The following ASTN2 variants were observed in gnomAD, a reference collection of about 807,000 sequenced individuals.
ASTN2 encodes the protein astrotactin 2, also known as astrotactin-2.
In ASTN2, 54 loss-of-function variants were observed where a neutral mutation model predicts 139.8. The ratio of observed to expected loss-of-function variants is 0.39; its 90% CI spans 0.31 to 0.48. ASTN2 has a LOEUF of 0.48. Among genes scored for constraint, ASTN2 ranks in the 20% least tolerant of loss-of-function variants. ASTN2 has a pLI of 0.95. For synonymous variants in ASTN2, 756 were observed against 719.5 expected (o/e 1.05, Z -0.81); for missense variants, 1,565 against 1,725.1 (o/e 0.91, Z 1.64).
intron 3 of ASTN2, among the ~76,000 whole-genome samples, chr9:117,151,860 C>T (rs535021238): frequency 2.7e-4 from 41 of 152,236 alleles, no homozygotes; most frequent in African/African-American, 9.9e-4. Context: ...TTCCAAGACC[C>T]TCATTTAAAA....
intron 2 of ASTN2, among the ~76,000 whole-genome samples, chr9:117,265,389 G>A (rs1833917797): frequency 6.6e-6 from 1 of 152,160 alleles, no homozygotes; most frequent in African/African-American, 2.4e-5. Flanking sequence ...CAGCAGTTAA[G>A]GACTGTGCTT....
At chr9:116,975,590 A>T (rs767612843) in intron 9 of ASTN2, among the ~76,000 whole-genome samples, 3 of 152,040 alleles carry the variant, frequency 2.0e-5, no homozygotes, top group Non-Finnish European at 2.9e-5. Context: ...TTACTAGTGG[A>T]CTCTGTGAGG....
At position 116,634,589 on chromosome 9, in the gene ASTN2, C is replaced by CAAAAA. The variant is rs57882262; in HGVS notation, c.3073-14151_3073-14147dup. Among the ~76,000 whole-genome samples, 14 of 104,206 alleles carry CAAAAA rather than the reference C, an allele frequency of 1.3e-4. 1 individual carries two copies. The highest frequency in any genetic ancestry group is 4.3e-4 in the African/African-American group (11 of 25,410). The allele number at this position is 104,206 out of a possible 152,430, so 68.4% of individuals were successfully genotyped here. On this transcript the variant is annotated intron_variant, in intron 17 of 22. Coordinates refer to ENST00000313400, the MANE Select transcript of ASTN2 (RefSeq NM_001365068.1). ...TGGGCGACAGAGCGAGACTCCGTCTCAAAAAAAAAAAAAAAAAAAAAAAAA... is the reference window on the plus strand; with the variant it reads ...TGGGCGACAGAGCGAGACTCCGTCTCAAAAAAAAAAAAAAAAAAAAAAAAAAAAAA...
Position 116,576,573 on chromosome 9 carries a change from G to A in ASTN2, c.3355+41751C>T, listed in dbSNP as rs148406792. On this transcript the variant is annotated intron_variant, in intron 19 of 22. Coordinates refer to ENST00000313400, the MANE Select transcript of ASTN2 (RefSeq NM_001365068.1). ...GGAGAGCATGAGAGGATGCTAGGCC[G>A]GGACAGGAATGCAGGAAGTGCTTCA... 4.9e-4 allele frequency among the ~76,000 whole-genome samples: 74 copies of A among 152,252 alleles called. No homozygotes were observed. The East Asian group carries it at 7.9e-3, about 16-fold the overall frequency.
At chr9:116,862,668 T>C (rs1832912564) in intron 11 of ASTN2, among the ~76,000 whole-genome samples, 1 of 151,950 alleles carries the variant, frequency 6.6e-6, no homozygotes, top group African/African-American at 2.4e-5. Flanking sequence ...GTAGTGTAGA[T>C]TGAAATGAAG....
intron 13 of ASTN2, among the ~76,000 whole-genome samples, chr9:116,793,087 C>A: frequency 6.6e-6 from 1 of 151,416 alleles, no homozygotes; most frequent in Admixed American, 6.6e-5. Context: ...ACATGTACCC[C>A]CTGAATCTCA....
intron 13 of ASTN2, among the ~76,000 whole-genome samples, chr9:116,763,879 G>A (rs180986098): frequency 1.4e-4 from 21 of 152,316 alleles, no homozygotes; most frequent in African/African-American, 4.8e-4. Flanking sequence ...GGGTCTCTGC[G>A]AGAGGGTGAG....
chr9:117,246,177 T>C (rs1165136721), intron 2 of ASTN2, among the ~76,000 whole-genome samples: 1 of 152,136 alleles, frequency 6.6e-6, no homozygotes, highest in Non-Finnish European at 1.5e-5. Context: ...TCTAAATTGA[T>C]ACACAAATGT....
Position 116,426,065 on chromosome 9 carries a change from C to T in ASTN2, c.3806G>A (p.Arg1269Gln), listed in dbSNP as rs200117563. ...GPRKAHLILR[R>Q]LERVSSHCSS... ...GCAGTGGCTACTCACCCTCTCCAGTCGCCGTAGAATCAGGTGGGCCTTCCT... is the reference window on the plus strand; with the variant it reads ...GCAGTGGCTACTCACCCTCTCCAGTTGCCGTAGAATCAGGTGGGCCTTCCT... The change falls in exon 23 of 23, where the codon CGA (arginine) becomes CAA (glutamine). Residue 1269 changes from arginine to glutamine, a missense_variant. Physicochemically the swap from Arg to Gln is conservative, Grantham distance 43 (BLOSUM62 1). Transcript: ENST00000313400. 2.9e-5 allele frequency: 47 copies of T among 1,613,412 alleles called. No homozygotes were observed. Among genetic ancestry groups the T allele is most frequent in the Admixed American group, 8.3e-5 (5 of 59,996 alleles).
At chr9:116,998,893 T>C (rs1023441335) in intron 7 of ASTN2, among the ~76,000 whole-genome samples, 1 of 152,202 alleles carries the variant, frequency 6.6e-6, no homozygotes, top group East Asian at 1.9e-4. Context: ...TTGGAATTTA[T>C]AGCTTCATAA....
At chr9:116,847,774 C>T (rs1404535054) in intron 11 of ASTN2, among the ~76,000 whole-genome samples, 3 of 152,250 alleles carry the variant, frequency 2.0e-5, no homozygotes, top group Admixed American at 6.5e-5. Flanking sequence ...CCACACTACG[C>T]TGCCTTTTAC....
intron 19 of ASTN2, among the ~76,000 whole-genome samples, chr9:116,593,529 A>G (rs1854454364): frequency 6.6e-6 from 1 of 152,218 alleles, no homozygotes; most frequent in African/African-American, 2.4e-5. Context: ...GATCCTATGC[A>G]AGCCAAGTCT....
intron 16 of ASTN2, among the ~76,000 whole-genome samples, chr9:116,722,952 T>C (rs1005868054): frequency 6.6e-6 from 1 of 152,098 alleles, no homozygotes; most frequent in Non-Finnish European, 1.5e-5. Flanking sequence ...GATCATGAGG[T>C]CAGGAGATTG....
At chr9:116,766,262 GAC>G (rs1407925035) in intron 13 of ASTN2, among the ~76,000 whole-genome samples, 3 of 151,874 alleles carry the variant, frequency 2.0e-5, no homozygotes, top group African/African-American at 7.3e-5. Context: ...CACGTGCACT[GAC>G]ACACACACTC....
chr9:117,219,012 G>C (rs914813124), intron 2 of ASTN2, among the ~76,000 whole-genome samples: 1 of 152,140 alleles, frequency 6.6e-6, no homozygotes, highest in African/African-American at 2.4e-5. Context: ...CCCCCTATAG[G>C]CTGCTGTGCA....
chr9:117,001,162 T>A (rs1324025073), intron 7 of ASTN2, among the ~76,000 whole-genome samples: 1 of 152,042 alleles, frequency 6.6e-6, no homozygotes, highest in East Asian at 1.9e-4. Flanking sequence ...GGAGAAAAAA[T>A]TTTTCTTATC....
chr9:117,206,736 C>T (rs375939414), intron 3 of ASTN2, among the ~76,000 whole-genome samples: 5 of 152,268 alleles, frequency 3.3e-5, no homozygotes, highest in South Asian at 4.1e-4. Context: ...AACAGTATAA[C>T]GGTCCCACCC....
intron 1 of ASTN2, among the ~76,000 whole-genome samples, chr9:117,395,621 G>A (rs1830656549): frequency 6.6e-6 from 1 of 152,166 alleles, no homozygotes; most frequent in South Asian, 2.1e-4. Context: ...CTTGACGTCA[G>A]GAAATGTAGT....
chr9:116,665,724 G>A (rs1342555794), intron 16 of ASTN2, among the ~76,000 whole-genome samples: 1 of 152,068 alleles, frequency 6.6e-6, no homozygotes, highest in Non-Finnish European at 1.5e-5. Context: ...AACTTAAAGG[G>A]AATCACATTG....
Sources: gnomAD v4.1 joint callset for allele counts (sites outside exome capture counted in the v4.1 genomes callset) on GRCh38, gnomAD v4.1.1 for gene constraint, MANE v1.5 for transcripts, NCBI Gene and HGNC (gene_info 2026-07-23, HGNC 2026-07-21) for gene names.